Variants in ARHGEF6 observed in about 807,000 individuals in gnomAD.
ARHGEF6 encodes the protein rho guanine nucleotide exchange factor 6.
Under a neutral mutation model 70.3 loss-of-function variants are expected in ARHGEF6, and 9 were observed. The ratio of observed to expected loss-of-function variants is 0.13; its 90% CI spans 0.08 to 0.22. The LOEUF is 0.22. Among genes scored for constraint, ARHGEF6 ranks in the 10% least tolerant of loss-of-function variants. ARHGEF6 has a pLI of 1.00. For synonymous variants in ARHGEF6, 201 were observed against 207.8 expected (o/e 0.97, Z 0.28); for missense variants, 470 against 563.0 (o/e 0.83, Z 1.67).
At chrX:136,748,584 C>T (rs1193150639) in intron 2 of ARHGEF6, among the ~76,000 whole-genome samples, 1 of 112,042 alleles carries the variant, frequency 8.9e-6, no homozygotes, top group Non-Finnish European at 1.9e-5. Context: ...CTGAAGGTAA[C>T]CAGATGCCCA....
rs2076167692 is a variant in ARHGEF6 at position 136,667,030 on chromosome X, G to T, written c.*999C>A. 1 of 112,684 alleles carries T rather than the reference G, an allele frequency of 8.9e-6. No homozygotes were observed. Among genetic ancestry groups the T allele is most frequent in the Non-Finnish European group, 1.9e-5 (1 of 53,350 alleles). 9.3% of individuals were successfully genotyped at this position (112,684 alleles called of 1,213,427 possible). ...GCACAATATCTTCTTAATGCAGATT[G>T]TTTTGAAGGATAAAACATCACAGTT... On this transcript the variant is annotated 3_prime_UTR_variant, in exon 22 of 22. Coordinates refer to ENST00000250617, the MANE Select transcript of ARHGEF6 (RefSeq NM_004840.3).
At chrX:136,703,820 C>T (rs1016631741) in intron 9 of ARHGEF6, among the ~76,000 whole-genome samples, 5 of 112,926 alleles carry the variant, frequency 4.4e-5, no homozygotes, top group African/African-American at 1.6e-4. Flanking sequence ...CCACGCCCAG[C>T]CAATAAAGTA....
At chrX:136,779,904 T>C (rs895266554) in intron 1 of ARHGEF6, among the ~76,000 whole-genome samples, 1 of 112,164 alleles carries the variant, frequency 8.9e-6, no homozygotes, top group Non-Finnish European at 1.9e-5. Context: ...ACCACACTTC[T>C]TTACATTTTA....
intron 2 of ARHGEF6, among the ~76,000 whole-genome samples, chrX:136,766,695 A>G (rs2077317597): frequency 8.9e-6 from 1 of 112,922 alleles, no homozygotes; most frequent in East Asian, 2.8e-4. Flanking sequence ...ACTTTGGAAC[A>G]CCTTGTAGAA....
chrX:136,761,903 AT>A (rs199525244), intron 2 of ARHGEF6, among the ~76,000 whole-genome samples: 1,090 of 107,485 alleles, frequency 0.01, 20 homozygotes, highest in African/African-American at 0.035. Flanking sequence ...TTACCCTTCC[AT>A]TTTTTTTCTT....
chrX:136,737,572 G>A, intron 5 of ARHGEF6: 1 of 698,953 alleles, frequency 1.4e-6, no homozygotes, highest in Non-Finnish European at 1.7e-6. Flanking sequence ...AAGAAATAAA[G>A]CCCGGGCACG....
rs923565391 is a variant in ARHGEF6 at position 136,725,374 on chromosome X, A to C, written c.732+6728T>G. 2.7e-4 allele frequency among the ~76,000 whole-genome samples: 26 copies of C among 95,142 alleles called. No individual in the cohort carries two copies. The East Asian group carries it at 3.8e-3, about 14-fold the overall frequency. 82.6% of individuals were successfully genotyped at this position (95,142 alleles called of 115,157 possible). A position where few individuals can be genotyped will look rare whatever the true frequency, so the allele number is the denominator to read the frequency against. The stretch of plus-strand genomic sequence containing the variant: ...TTTTATCAAATTATGCCCCCCCCCC[A>C]AAAAAAAACGTGAGTAGTAATATAC... On this transcript the variant is annotated intron_variant, in intron 6 of 21. Transcript: ENST00000250617.
chrX:136,693,489 C>T (rs2076478979), intron 9 of ARHGEF6, among the ~76,000 whole-genome samples: 2 of 112,008 alleles, frequency 1.8e-5, no homozygotes, highest in African/African-American at 6.5e-5. Flanking sequence ...AAAGAACAAT[C>T]TGTCTTTTAA....
At chrX:136,749,291 C>G (rs1331555678) in intron 2 of ARHGEF6, among the ~76,000 whole-genome samples, 1 of 111,233 alleles carries the variant, frequency 9.0e-6, no homozygotes, top group East Asian at 2.8e-4. Flanking sequence ...TCCCTTAGAA[C>G]TGATCAACTG....
intron 2 of ARHGEF6, among the ~76,000 whole-genome samples, chrX:136,750,758 T>A (rs935225838): frequency 1.8e-5 from 2 of 111,080 alleles, no homozygotes; most frequent in Admixed American, 1.9e-4. Context: ...AGTATTTACA[T>A]ATAGCCAACC....
At chrX:136,719,195 A>G (rs755581699) in intron 6 of ARHGEF6, among the ~76,000 whole-genome samples, 1 of 110,000 alleles carries the variant, frequency 9.1e-6, no homozygotes, top group Non-Finnish European at 1.9e-5. Flanking sequence ...GCATCTATAG[A>G]CTACTTTATC....
intron 6 of ARHGEF6, among the ~76,000 whole-genome samples, chrX:136,713,955 T>C (rs1281308391): frequency 8.9e-6 from 1 of 111,856 alleles, no homozygotes; most frequent in Non-Finnish European, 1.9e-5. Context: ...ATAACAAACA[T>C]CACAAGAGAT....
intron 2 of ARHGEF6, among the ~76,000 whole-genome samples, chrX:136,775,513 C>T (rs1368632170): frequency 9.0e-6 from 1 of 111,728 alleles, no homozygotes; most frequent in African/African-American, 3.3e-5. Context: ...ATGATTAAAA[C>T]CCTCCACAAA....
At chrX:136,745,156 T>G in intron 4 of ARHGEF6, 67 bp downstream of exon 4, 1 of 1,176,998 alleles carries the variant, frequency 8.5e-7, no homozygotes, top group Admixed American at 2.2e-5. Flanking sequence ...CATATGGAGA[T>G]GCAACTAGGA....
intron 2 of ARHGEF6, chrX:136,767,692 G>GCTACCCGCGCCGGTCCCCTC (rs2077331834): frequency 1.3e-6 from 1 of 753,139 alleles, no homozygotes; most frequent in Non-Finnish European, 1.6e-6. Flanking sequence ...ACCACGCTCA[G>GCTACCCGCGCCGGTCCCCTC]CTACCCGCGC....
intron 9 of ARHGEF6, among the ~76,000 whole-genome samples, chrX:136,704,211 T>G (rs758686285): frequency 8.9e-6 from 1 of 112,369 alleles, no homozygotes; most frequent in Non-Finnish European, 1.9e-5. Flanking sequence ...GAGTGACTGT[T>G]ACTGGGGACA....
chrX:136,676,513 T>C, intron 18 of ARHGEF6, 111 bp downstream of exon 18: 8 of 588,527 alleles, frequency 1.4e-5, no homozygotes, highest in Non-Finnish European at 2.3e-5. Context: ...TAAAAGACGA[T>C]GTCAAGAAAA....
chrX:136,719,538 G>T (rs1019265954), intron 6 of ARHGEF6, among the ~76,000 whole-genome samples: 10 of 111,781 alleles, frequency 8.9e-5, no homozygotes, highest in African/African-American at 3.2e-4. Flanking sequence ...AGCACTGAAT[G>T]CATATATTAG....
At chrX:136,741,918 T>C (rs1408816105) in intron 5 of ARHGEF6, among the ~76,000 whole-genome samples, 1 of 111,854 alleles carries the variant, frequency 8.9e-6, no homozygotes, top group African/African-American at 3.2e-5. Flanking sequence ...GGTGCCAGCC[T>C]TCAAGAATAT....
Sources: allele counts gnomAD v4.1 joint callset (sites outside exome capture counted in the v4.1 genomes callset), GRCh38; gene constraint gnomAD v4.1.1; transcripts MANE v1.5; gene names NCBI Gene and HGNC (gene_info 2026-07-23, HGNC 2026-07-21).